PPP1R1B: variants seen among roughly 807,000 people sequenced by gnomAD.
PPP1R1B encodes the protein protein phosphatase 1 regulatory subunit 1B.
A neutral mutation model predicts 28.2 loss-of-function variants in PPP1R1B; 13 were observed. The observed-to-expected ratio is 0.46, with a 90% CI of 0.30 to 0.73. The LOEUF (loss-of-function observed/expected upper bound fraction) is 0.73. Ranked by LOEUF, PPP1R1B falls within the 30% of genes least tolerant of loss-of-function variation. The pLI is 0.07. For synonymous variants in PPP1R1B, 102 were observed against 97.5 expected (o/e 1.05, Z -0.27); for missense variants, 236 against 256.7 (o/e 0.92, Z 0.55).
Position 39,635,748 on chromosome 17 carries a change from T to C in PPP1R1B, c.565+22T>C, listed in dbSNP as rs112958238. The C allele has an allele frequency of 2.3e-5, 37 of 1,611,804 alleles. No homozygotes were observed. The African/African-American group carries it at 3.9e-4, about 17-fold the overall frequency. On this transcript the variant is annotated intron_variant, in intron 6 of 6. Transcript: ENST00000254079. ...AGTGGTAAGGCTTGGGAGTGTGAAA[T>C]GGGGAGGAGGGGCTGGGATCTTGGT...
intron 4 of PPP1R1B, 108 bp downstream of exon 4, chr17:39,630,155 C>T: frequency 9.3e-7 from 1 of 1,071,516 alleles, no homozygotes; most frequent in Non-Finnish European, 1.4e-6. Flanking sequence ...CACACATAGC[C>T]CGCTGTCAGC....
At chr17:39,634,297 G>T (rs1412143831) in intron 5 of PPP1R1B, among the ~76,000 whole-genome samples, 1 of 152,198 alleles carries the variant, frequency 6.6e-6, no homozygotes, top group African/African-American at 2.4e-5. Flanking sequence ...TCCCAATCAG[G>T]TTTTCCCTAA....
At position 39,627,324 on chromosome 17, in the gene PPP1R1B, G is replaced by T. The variant is rs2056844643; in HGVS notation, c.-69G>T. ...CGCACAGCCCGCCGCCTGCGCGGGGGAGCCCAGCACAGACCGCCGCCGGGA... is the reference window on the plus strand; with the variant it reads ...CGCACAGCCCGCCGCCTGCGCGGGGTAGCCCAGCACAGACCGCCGCCGGGA... On this transcript the variant is annotated 5_prime_UTR_variant, in exon 1 of 7. Coordinates refer to ENST00000254079, the MANE Select transcript of PPP1R1B (RefSeq NM_032192.4). 1.9e-6 allele frequency: 2 copies of T among 1,070,730 alleles called. No homozygotes were observed. Among genetic ancestry groups the T allele is most frequent in the Admixed American group, 2.8e-5 (1 of 35,502 alleles). 66.3% of individuals were successfully genotyped at this position (1,070,730 alleles called of 1,614,324 possible). A position where few individuals can be genotyped will look rare whatever the true frequency, so the allele number is the denominator to read the frequency against.
chr17:39,633,321 C>T (rs2056892242), intron 4 of PPP1R1B: 2 of 161,656 alleles, frequency 1.2e-5, no homozygotes, highest in Non-Finnish European at 2.7e-5. Context: ...CCCTTGGAGC[C>T]CGGGGCAGGA....
intron 4 of PPP1R1B, 199 bp from the exon 5 acceptor site, chr17:39,633,684 C>A (rs1383246232): frequency 1.3e-6 from 1 of 794,602 alleles, no homozygotes. Flanking sequence ...ATGATCAAAT[C>A]TACCCCTGGC....
chr17:39,628,564 A>C (rs1185221134), intron 1 of PPP1R1B: 51 of 985,670 alleles, frequency 5.2e-5, no homozygotes, highest in Non-Finnish European at 5.7e-5. Context: ...AAGAAGCCCA[A>C]ACCAAGGCCC....
chr17:39,627,548 GC>G, intron 1 of PPP1R1B, 75 bp downstream of exon 1: 1 of 981,118 alleles, frequency 1.0e-6, no homozygotes, highest in East Asian at 3.0e-5. Flanking sequence ...CCAAGGCGCT[GC>G]CCCGGCCGGA....
intron 5 of PPP1R1B, 121 bp from the exon 6 acceptor site, chr17:39,635,486 C>T (rs77984709): frequency 0.013 from 17,777 of 1,361,102 alleles, 179 homozygotes; most frequent in African/African-American, 0.029. Flanking sequence ...AGTTCTCTCT[C>T]CATGCTTCCA....
intron 3 of PPP1R1B, 69 bp downstream of exon 3, chr17:39,629,631 C>A: frequency 6.5e-7 from 1 of 1,532,808 alleles, no homozygotes; most frequent in Non-Finnish European, 9.0e-7. Flanking sequence ...CGGGTGCCTG[C>A]AGTGACAACC....
chr17:39,631,393 G>C (rs1302798953), intron 4 of PPP1R1B, among the ~76,000 whole-genome samples: 3 of 152,338 alleles, frequency 2.0e-5, no homozygotes, highest in Middle Eastern at 3.4e-3. Flanking sequence ...GTCAGAGGGG[G>C]ACTTCTGGGC....
intron 4 of PPP1R1B, among the ~76,000 whole-genome samples, chr17:39,631,938 G>A (rs147972044): frequency 1.3e-5 from 2 of 152,288 alleles, no homozygotes; most frequent in Non-Finnish European, 2.9e-5. Flanking sequence ...GAGGCTGGGT[G>A]GATGTGAGGG....
Position 39,636,179 on chromosome 17 carries a change from T to A in PPP1R1B, c.*314T>A. The A allele has an allele frequency of 2.5e-6, 1 of 401,426 alleles. No homozygotes were observed. Among genetic ancestry groups the A allele is most frequent in the Non-Finnish European group, 4.7e-6 (1 of 214,548 alleles). 24.9% of individuals were successfully genotyped at this position (401,426 alleles called of 1,614,324 possible). On this transcript the variant is annotated 3_prime_UTR_variant, in exon 7 of 7. Coordinates refer to ENST00000254079, the MANE Select transcript of PPP1R1B (RefSeq NM_032192.4). Reference sequence around the variant, plus strand: ...GGAACAGGGATTTGCCCTTCACAATTCTACTCCCCAGATCCTCTCCCCTGG... The same window carrying A: ...GGAACAGGGATTTGCCCTTCACAATACTACTCCCCAGATCCTCTCCCCTGG...
chr17:39,629,801 T>A, intron 3 of PPP1R1B, 171 bp from the exon 4 acceptor site: 1 of 828,180 alleles, frequency 1.2e-6, no homozygotes, highest in Non-Finnish European at 1.9e-6. Flanking sequence ...GGCCATGGCT[T>A]ATGGGGGGCC....
intron 5 of PPP1R1B, among the ~76,000 whole-genome samples, chr17:39,635,296 A>G (rs2056909920): frequency 6.6e-6 from 1 of 152,206 alleles, no homozygotes; most frequent in Non-Finnish European, 1.5e-5. Context: ...TGATGGAGCA[A>G]TATAAACCAC....
chr17:39,630,654 T>G (rs2056870441), intron 4 of PPP1R1B, among the ~76,000 whole-genome samples: 1 of 152,186 alleles, frequency 6.6e-6, no homozygotes, highest in Non-Finnish European at 1.5e-5. Flanking sequence ...CCAAGTAAGG[T>G]GGCTCACACC....
chr17:39,630,122 T>C, intron 4 of PPP1R1B, 75 bp downstream of exon 4: 1 of 1,392,100 alleles, frequency 7.2e-7, no homozygotes, highest in Non-Finnish European at 1.0e-6. Context: ...GGAGCTTTTG[T>C]CAGTGGGGAG....
intron 3 of PPP1R1B, 71 bp downstream of exon 3, chr17:39,629,633 G>A (rs534484290): frequency 7.1e-6 from 11 of 1,539,046 alleles, no homozygotes; most frequent in South Asian, 1.1e-5. Context: ...GGTGCCTGCA[G>A]TGACAACCAA....
intron 1 of PPP1R1B, 129 bp downstream of exon 1, chr17:39,627,602 C>T (rs1357427653): frequency 3.3e-6 from 2 of 601,440 alleles, no homozygotes; most frequent in Non-Finnish European, 5.6e-6. Flanking sequence ...GGCTCTGCCT[C>T]GGTCAGGACG....
chr17:39,629,449 G>A, intron 2 of PPP1R1B, 91 bp from the exon 3 acceptor site: 2 of 1,547,700 alleles, frequency 1.3e-6, no homozygotes, highest in South Asian at 2.2e-5. Context: ...TGAGACCCTG[G>A]GGAAAATAAC....
Sources: allele counts gnomAD v4.1 joint callset (sites outside exome capture counted in the v4.1 genomes callset), GRCh38; gene constraint gnomAD v4.1.1; transcripts MANE v1.5; gene names NCBI Gene and HGNC (gene_info 2026-07-23, HGNC 2026-07-21).